Variants in FRMD4A observed in about 807,000 individuals in gnomAD.
FRMD4A encodes the protein FERM domain containing 4A.
FRMD4A carries 29 observed loss-of-function variants against 129.1 expected under a neutral mutation model. The ratio of observed to expected loss-of-function variants is 0.22; its 90% CI spans 0.17 to 0.31. FRMD4A has a LOEUF of 0.31. Ranked by LOEUF, FRMD4A falls within the 10% of genes least tolerant of loss-of-function variation. FRMD4A has a pLI of 1.00. For synonymous variants in FRMD4A, 634 were observed against 571.6 expected (o/e 1.11, Z -1.56); for missense variants, 1,272 against 1,375.8 (o/e 0.92, Z 1.19).
At position 13,666,153 on chromosome 10, in the gene FRMD4A, T is replaced by C. The variant is rs1379721533; in HGVS notation, c.1547A>G (p.Glu516Gly). 1 of 1,613,644 alleles carries C rather than the reference T, an allele frequency of 6.2e-7. No individual in the cohort carries two copies. The highest frequency in any genetic ancestry group is 8.5e-7 in the Non-Finnish European group (1 of 1,179,616). The change falls in exon 18 of 25, where the codon GAG (glutamate) becomes GGG (glycine). Residue 516 changes from glutamate (E) to glycine (G), a missense_variant. Glu to Gly is a moderately conservative substitution (Grantham distance 98). Around this residue, in one of 2 missense-constraint regions of FRMD4A, gnomAD observed 972 missense variants for 892.3 expected, o/e 1.09. Transcript: ENST00000357447. ...KLQEIENAIN[E>G]NRIKSGKKPT... Reference sequence around the variant, plus strand: ...TTTCTTCCCAGACTTGATGCGGTTCTCATTGATTGCATTTTCAATCTCCTG... The same window carrying C: ...TTTCTTCCCAGACTTGATGCGGTTCCCATTGATTGCATTTTCAATCTCCTG...
chr10:14,295,707 G>C (rs558221716), intron 2 of FRMD4A, among the ~76,000 whole-genome samples: 1 of 152,134 alleles, frequency 6.6e-6, no homozygotes, highest in Non-Finnish European at 1.5e-5. Flanking sequence ...CTCTCCCTTA[G>C]GTGGAGTTTG....
At chr10:13,707,312 A>G (rs996539915) in intron 12 of FRMD4A, 199 bp from the exon 13 acceptor site, 17 of 1,066,282 alleles carry the variant, frequency 1.6e-5, no homozygotes, top group Non-Finnish European at 2.1e-5. Flanking sequence ...AAACCAGGCA[A>G]TGTGGGTGTG....
intron 2 of FRMD4A, among the ~76,000 whole-genome samples, chr10:14,107,080 T>A (rs558455793): frequency 2.6e-5 from 4 of 152,308 alleles, no homozygotes; most frequent in Non-Finnish European, 5.9e-5. Context: ...GCCATTATCT[T>A]GAGCAAATTA....
intron 5 of FRMD4A, among the ~76,000 whole-genome samples, chr10:13,786,322 T>C (rs184605031): frequency 6.6e-6 from 1 of 152,192 alleles, no homozygotes; most frequent in Non-Finnish European, 1.5e-5. Context: ...TTTCAAAAAA[T>C]AAATCTATAT....
At chr10:13,843,731 C>T (rs1420020669) in intron 3 of FRMD4A, among the ~76,000 whole-genome samples, 2 of 152,162 alleles carry the variant, frequency 1.3e-5, no homozygotes, top group Admixed American at 6.5e-5. Context: ...CTCCTGACCT[C>T]AGGTGATCTA....
intron 2 of FRMD4A, among the ~76,000 whole-genome samples, chr10:14,256,539 T>C (rs560903015): frequency 6.6e-6 from 1 of 152,362 alleles, no homozygotes; most frequent in Admixed American, 6.5e-5. Context: ...TATAAGAGTG[T>C]AGTGTTGCTA....
chr10:13,884,240 A>ACACACACACCCC, intron 2 of FRMD4A, among the ~76,000 whole-genome samples: 1 of 135,300 alleles, frequency 7.4e-6, no homozygotes, highest in South Asian at 2.8e-4. Context: ...ACACACACAC[A>ACACACACACCCC]CTCCCTAAAA....
At chr10:13,867,945 A>G (rs2094395440) in intron 2 of FRMD4A, among the ~76,000 whole-genome samples, 1 of 144,504 alleles carries the variant, frequency 6.9e-6, no homozygotes. Context: ...TATATAATAA[A>G]TACTATATAT....
In FRMD4A at chr10:13,724,429, G is replaced by A. The variant is rs111868411; in HGVS notation, c.759+13415C>T. ...TTTGTCTATTCAGTCCCAGGTGGTC[G>A]ATGTTCTTATTATCCTAGCAAAGTC... On this transcript the variant is annotated intron_variant, in intron 12 of 24. Coordinates refer to ENST00000357447, the MANE Select transcript of FRMD4A (RefSeq NM_018027.5). Among the ~76,000 whole-genome samples, 366 of 152,066 alleles carry A rather than the reference G, an allele frequency of 2.4e-3. 1 individual carries two copies. The highest frequency in any genetic ancestry group is 7.0e-3 in the African/African-American group (290 of 41,504).
intron 2 of FRMD4A, among the ~76,000 whole-genome samples, chr10:14,175,332 C>A (rs141731263): frequency 3.8e-4 from 58 of 152,246 alleles, no homozygotes; most frequent in Middle Eastern, 6.8e-3. Flanking sequence ...ATAGGGCGAG[C>A]CACTCTGTCC....
At chr10:14,072,979 A>T (rs548386487) in intron 2 of FRMD4A, among the ~76,000 whole-genome samples, 141 of 152,358 alleles carry the variant, frequency 9.3e-4, no homozygotes, top group South Asian at 3.7e-3. Flanking sequence ...ACATATGTTT[A>T]TAATTCATAT....
chr10:14,038,053 T>C (rs1203075439), intron 2 of FRMD4A, among the ~76,000 whole-genome samples: 3 of 152,248 alleles, frequency 2.0e-5, no homozygotes, highest in Non-Finnish European at 2.9e-5. Context: ...CCGGTCGCGG[T>C]GGCTCACGCC....
intron 3 of FRMD4A, among the ~76,000 whole-genome samples, chr10:13,824,575 A>G (rs1198704625): frequency 6.6e-6 from 1 of 152,108 alleles, no homozygotes; most frequent in East Asian, 1.9e-4. Flanking sequence ...TATAACAACT[A>G]TATAGCATTA....
intron 14 of FRMD4A, 83 bp from the exon 15 acceptor site, chr10:13,694,122 C>A (rs796322826): frequency 1.7e-6 from 2 of 1,157,774 alleles, no homozygotes; most frequent in African/African-American, 3.1e-5. Flanking sequence ...GCCTGCTCAC[C>A]GTCTTGACAT....
intron 23 of FRMD4A, chr10:13,653,027 C>G (rs2081793893): frequency 1.3e-5 from 2 of 151,748 alleles, no homozygotes; most frequent in Admixed American, 6.6e-5. Context: ...CTTAGTTCCT[C>G]TGAGCCTCAT....
chr10:13,959,826 C>T (rs56128828), intron 2 of FRMD4A, among the ~76,000 whole-genome samples: 3,348 of 152,284 alleles, frequency 0.022, 70 homozygotes, highest in Non-Finnish European at 0.029. Flanking sequence ...CCCCCCAGGG[C>T]TGAGTATCAA....
At chr10:13,870,094 G>C (rs911816014) in intron 2 of FRMD4A, among the ~76,000 whole-genome samples, 12 of 152,234 alleles carry the variant, frequency 7.9e-5, no homozygotes, top group African/African-American at 2.7e-4. Flanking sequence ...ATCTGGATCA[G>C]AGAGGGAGTG....
intron 2 of FRMD4A, among the ~76,000 whole-genome samples, chr10:14,027,484 C>CA (rs1263414570): frequency 6.6e-6 from 1 of 152,210 alleles, no homozygotes; most frequent in Non-Finnish European, 1.5e-5. Context: ...GGCTTGGTGG[C>CA]ATGTGCCTGT....
intron 2 of FRMD4A, among the ~76,000 whole-genome samples, chr10:13,954,410 A>G (rs1423354406): frequency 6.6e-6 from 1 of 152,108 alleles, no homozygotes; most frequent in Non-Finnish European, 1.5e-5. Context: ...CGTTTACAAA[A>G]CCATCAGATC....
Sources: gnomAD v4.1 joint callset for allele counts (sites outside exome capture counted in the v4.1 genomes callset) on GRCh38, gnomAD v4.1.1 for gene constraint, gnomAD v4.1.1 regional missense constraint, MANE v1.5 for transcripts, NCBI Gene and HGNC (gene_info 2026-07-23, HGNC 2026-07-21) for gene names.